The following DYM variants were observed in gnomAD, a reference collection of about 807,000 sequenced individuals.
DYM encodes the protein dymeclin, also known as dyggve-Melchior-Clausen syndrome protein.
A neutral mutation model predicts 93.1 loss-of-function variants in DYM; 78 were observed. The observed-to-expected ratio is 0.84, with a 90% CI of 0.70 to 1.01. DYM has a LOEUF of 1.01. Among genes scored for constraint, DYM ranks in the 50% least tolerant of loss-of-function variants. The pLI, the probability that DYM is intolerant of heterozygous loss-of-function variation, is 0.00. For missense variants in DYM, 789 were observed against 845.0 expected, an observed-to-expected ratio of 0.93 and a Z score of 0.82; for synonymous variants, 321 against 319.7, an observed-to-expected ratio of 1.00 and a Z score of -0.04.
At chr18:49,433,162 C>A (rs555166041) in intron 1 of DYM, among the ~76,000 whole-genome samples, 3 of 152,130 alleles carry the variant, frequency 2.0e-5, no homozygotes, top group African/African-American at 7.2e-5. Context: ...AAACAGCTCC[C>A]GGATCAACCA....
chr18:49,384,322 C>CAAAAAAAAA, intron 3 of DYM, among the ~76,000 whole-genome samples: 1 of 65,830 alleles, frequency 1.5e-5, no homozygotes. Flanking sequence ...ACCATGTCTC[C>CAAAAAAAAA]AAAAAAAAAA....
chr18:49,287,738 G>A (rs1414350982), intron 8 of DYM, among the ~76,000 whole-genome samples: 4 of 150,440 alleles, frequency 2.7e-5, no homozygotes, highest in East Asian at 2.0e-4. Flanking sequence ...CCAGCTACTC[G>A]GGAGGCTGAG....
At chr18:49,152,607 T>C (rs550345052) in intron 15 of DYM, among the ~76,000 whole-genome samples, 2 of 152,252 alleles carry the variant, frequency 1.3e-5, no homozygotes, top group East Asian at 3.9e-4. Flanking sequence ...AGAATGACCA[T>C]ATGATCCAAC....
Position 49,333,713 on chromosome 18 carries a change from A to T in DYM, c.620+15T>A, listed in dbSNP as rs775469330. 10 of 1,613,246 alleles carry T rather than the reference A, an allele frequency of 6.2e-6. No homozygotes were observed. Among genetic ancestry groups the T allele is most frequent in the Admixed American group, 1.7e-5 (1 of 60,004 alleles). On this transcript the variant is annotated intron_variant, in intron 7 of 17. Coordinates refer to ENST00000675505, the MANE Select transcript of DYM (RefSeq NM_001353214.3). The stretch of plus-strand genomic sequence containing the variant: ...TACAATGAAAAAACTAGACATACTT[A>T]AAGTAGAAACATACCATGGACCTCG...
At chr18:49,204,482 TAAA>T (rs766344717) in intron 14 of DYM, among the ~76,000 whole-genome samples, 4 of 152,196 alleles carry the variant, frequency 2.6e-5, no homozygotes, top group Non-Finnish European at 5.9e-5. Context: ...GTATGTGAAG[TAAA>T]AATAAAGACA....
At chr18:49,449,587 G>A (rs776880851) in intron 1 of DYM, among the ~76,000 whole-genome samples, 3 of 152,266 alleles carry the variant, frequency 2.0e-5, no homozygotes, top group Non-Finnish European at 4.4e-5. Context: ...AATGGGAAGG[G>A]AACCCAGAAG....
At chr18:49,337,690 T>C (rs2063774498) in intron 6 of DYM, among the ~76,000 whole-genome samples, 2 of 152,120 alleles carry the variant, frequency 1.3e-5, no homozygotes, top group African/African-American at 4.8e-5. Context: ...GTCAGCGGAA[T>C]AATCAAACAT....
chr18:49,106,438 T>A (rs1411594130), intron 16 of DYM, among the ~76,000 whole-genome samples: 1 of 152,234 alleles, frequency 6.6e-6, no homozygotes, highest in Non-Finnish European at 1.5e-5. Context: ...GTGAATTTGA[T>A]CCTGTCATTA....
intron 1 of DYM, among the ~76,000 whole-genome samples, chr18:49,448,607 T>A (rs2082287300): frequency 6.6e-6 from 1 of 152,074 alleles, no homozygotes; most frequent in Admixed American, 6.5e-5. Context: ...GGCAGCATGT[T>A]CAACAAGGTG....
At chr18:49,047,896 C>T (rs1880600148) in intron 17 of DYM, among the ~76,000 whole-genome samples, 1 of 152,178 alleles carries the variant, frequency 6.6e-6, no homozygotes, top group South Asian at 2.1e-4. Flanking sequence ...GTCTGAAGCT[C>T]CCACGGCATC....
At chr18:49,064,461 T>C (rs1223206858) in intron 17 of DYM, among the ~76,000 whole-genome samples, 1 of 152,180 alleles carries the variant, frequency 6.6e-6, no homozygotes. Flanking sequence ...ATAGATCCAC[T>C]TCTGTGAAGC....
intron 3 of DYM, among the ~76,000 whole-genome samples, chr18:49,385,280 A>T (rs1052019400): frequency 1.3e-5 from 2 of 152,152 alleles, no homozygotes; most frequent in Non-Finnish European, 2.9e-5. Context: ...CTCATCCCTC[A>T]CCTACAGGGA....
rs537469849 is a variant in DYM at position 49,412,230 on chromosome 18, T to C, written c.140+18025A>G. Among the ~76,000 whole-genome samples, 440 of 107,644 alleles carry C rather than the reference T, an allele frequency of 4.1e-3. 3 individuals carry two copies. Among genetic ancestry groups the C allele is most frequent in the African/African-American group, 9.1e-3 (279 of 30,656 alleles). The allele number at this position is 107,644 out of a possible 152,430, so 70.6% of individuals were successfully genotyped here. On this transcript the variant is annotated intron_variant, in intron 2 of 17. Coordinates refer to ENST00000675505, the MANE Select transcript of DYM (RefSeq NM_001353214.3). ...TATTTTCCCAAGAAAGAGAAAAACATTGACTTAAAAAAAAAAAAAAAAAAA... is the reference window on the plus strand; with the variant it reads ...TATTTTCCCAAGAAAGAGAAAAACACTGACTTAAAAAAAAAAAAAAAAAAA...
chr18:49,083,760 C>G (rs1419286008), intron 17 of DYM, among the ~76,000 whole-genome samples: 2 of 152,130 alleles, frequency 1.3e-5, no homozygotes, highest in African/African-American at 4.8e-5. Flanking sequence ...CTCATTTCAT[C>G]TACAATGTTT....
intron 4 of DYM, among the ~76,000 whole-genome samples, chr18:49,379,048 AAAGAATATATGCAAAT>A (rs1174941642): frequency 6.6e-6 from 1 of 152,208 alleles, no homozygotes; most frequent in Non-Finnish European, 1.5e-5. Flanking sequence ...GGTAACATAA[AAAGAATATATGCAAAT>A]ATGTAACCAA....
intron 8 of DYM, among the ~76,000 whole-genome samples, chr18:49,324,583 G>A (rs1388821623): frequency 1.3e-5 from 2 of 152,152 alleles, no homozygotes; most frequent in East Asian, 3.8e-4. Flanking sequence ...AACATGGCTG[G>A]CATATTCACT....
At chr18:49,289,768 T>C (rs1185687441) in intron 8 of DYM, among the ~76,000 whole-genome samples, 52 of 44,658 alleles carry the variant, frequency 1.2e-3, no homozygotes, top group Admixed American at 4.0e-3. Context: ...TATATATATA[T>C]ATATACACAT....
chr18:49,333,642 TG>T, intron 7 of DYM, 85 bp downstream of exon 7: 1 of 1,399,814 alleles, frequency 7.1e-7, no homozygotes, highest in Non-Finnish European at 1.0e-6. Context: ...GTTGGAGATA[TG>T]GGACGATACT....
At chr18:49,155,115 T>A (rs2086252559) in intron 15 of DYM, among the ~76,000 whole-genome samples, 1 of 152,250 alleles carries the variant, frequency 6.6e-6, no homozygotes, top group Non-Finnish European at 1.5e-5. Context: ...TATTTCTATT[T>A]TTTGTTCTTA....
Sources: allele counts gnomAD v4.1 joint callset (sites outside exome capture counted in the v4.1 genomes callset), GRCh38; gene constraint gnomAD v4.1.1; transcripts MANE v1.5; gene names NCBI Gene and HGNC (gene_info 2026-07-23, HGNC 2026-07-21).